Variants in GRIN1 observed in about 807,000 individuals in gnomAD.
GRIN1 encodes glutamate ionotropic receptor NMDA type subunit 1.
A neutral mutation model predicts 103.0 loss-of-function variants in GRIN1; 38 were observed. The observed-to-expected ratio is 0.37, with a 90% CI of 0.28 to 0.48. The LOEUF (loss-of-function observed/expected upper bound fraction) is 0.48, where lower values mean the gene tolerates loss of function less well. GRIN1 is among the 20% of genes least tolerant of loss of function. GRIN1 has a pLI of 0.98. For synonymous variants in GRIN1, 544 were observed against 532.7 expected (o/e 1.02, Z -0.29); for missense variants, 577 against 1,288.9 (o/e 0.45, Z 8.46).
Position 137,154,131 on chromosome 9 carries a change from T to TGTG in GRIN1, c.672-2538_672-2537insGTG, listed in dbSNP as rs1833081174. Among the ~76,000 whole-genome samples the TGTG allele has an allele frequency of 1.4e-5, 2 of 146,584 alleles. 1 individual carries two copies. The highest frequency in any genetic ancestry group is 4.4e-4 in the South Asian group (2 of 4,594). On this transcript the variant is annotated intron_variant, in intron 4 of 19. Transcript: ENST00000371561. ...CTGCCTTTTTTTTTTTCTTTTTTTT[T>TGTG]TGTGTGTGTGTGTGAGACAGTCTTG... is the stretch of plus-strand genomic sequence containing the variant.
At chr9:137,160,931 G>A (rs1833500979) in intron 8 of GRIN1, 125 bp from the exon 9 acceptor site, 2 of 1,222,752 alleles carry the variant, frequency 1.6e-6, no homozygotes, top group Non-Finnish European at 2.3e-6. Flanking sequence ...GGCGCAGGGC[G>A]GGGGGTGTGA....
In GRIN1 at chr9:137,161,297, A is replaced by G. The variant is rs1440400460; in HGVS notation, c.1348A>G (p.Thr450Ala). 6.2e-7 allele frequency: 1 copy of G among 1,612,416 alleles called. No individual in the cohort carries two copies. The highest frequency in any genetic ancestry group is 1.7e-5 in the Admixed American group (1 of 60,002). The change falls in exon 10 of 20, where the codon ACG (threonine) becomes GCG (alanine). Residue 450 changes from threonine to alanine, a missense_variant. By Grantham distance (58) the Thr-to-Ala change is moderately conservative. This residue lies in a region of GRIN1 where 96 missense variants were observed against 145.0 expected (regional missense o/e 0.66). Coordinates refer to ENST00000371561, the MANE Select transcript of GRIN1 (RefSeq NM_007327.4). The stretch of plus-strand genomic sequence containing the variant: ...CGCCCGCACCTACCCAGCCCGCCAC[A>G]CGGTGCCTCAGTGTTGCTACGGCTT... ...NDTSPGSPRH[T>A]VPQCCYGFCI...
rs1833705166 is a variant in GRIN1, at chr9:137,163,899, C to A, written c.2584C>A (p.Leu862Met). 6.2e-7 allele frequency: 1 copy of A among 1,612,566 alleles called. No individual in the cohort carries two copies. Among genetic ancestry groups the A allele is most frequent in the Non-Finnish European group, 8.5e-7 (1 of 1,179,850 alleles). The part of the protein sequence containing the change: ...FAAVNVWRKN[L>M]QDRKSGRAEP... ...CGCCGTTAACGTGTGGCGGAAGAAC[C>A]TGCAGGTAGGGCAGGCCACCCTCCG... Residue 862 changes from leucine (L) to methionine (M), a missense_variant, in exon 18 of 20, where the codon CTG becomes ATG. Around this residue, in one of 9 missense-constraint regions of GRIN1, gnomAD observed 68 missense variants for 113.0 expected, o/e 0.60. Transcript: ENST00000371561.
At chr9:137,149,626 G>A (rs1832728831) in intron 4 of GRIN1, among the ~76,000 whole-genome samples, 1 of 152,244 alleles carries the variant, frequency 6.6e-6, no homozygotes, top group Non-Finnish European at 1.5e-5. Flanking sequence ...CAGGTCCGGT[G>A]CCACAGAGCA....
At chr9:137,159,300 T>G (rs1833401767) in intron 8 of GRIN1, among the ~76,000 whole-genome samples, 1 of 152,108 alleles carries the variant, frequency 6.6e-6, no homozygotes, top group South Asian at 2.1e-4. Context: ...CCAGTCCTGG[T>G]AGCATCACAG....
intron 19 of GRIN1, among the ~76,000 whole-genome samples, chr9:137,166,577 A>G (rs1833889117): frequency 6.6e-6 from 1 of 152,260 alleles, no homozygotes; most frequent in African/African-American, 2.4e-5. Context: ...GCATCAAGCA[A>G]GCCAAATCCC....
rs1018919246 is a variant in GRIN1, at chr9:137,153,240, C to T, written c.672-3429C>T. 7.0e-5 allele frequency among the ~76,000 whole-genome samples: 10 copies of T among 143,798 alleles called. No individual in the cohort carries two copies. The South Asian group carries it at 1.1e-3, about 16-fold the overall frequency. 94.3% of individuals were successfully genotyped at this position (143,798 alleles called of 152,430 possible). ...ACATGTGCACACATGCCACATACCA[C>T]GTGTACACACATGCACCATGCATAC... On this transcript the variant is annotated intron_variant, in intron 4 of 19. Transcript: ENST00000371561.
Position 137,145,706 on chromosome 9 carries a change from C to T in GRIN1, c.394-20C>T, listed in dbSNP as rs376580552. 6.0e-5 allele frequency: 97 copies of T among 1,608,512 alleles called. No individual in the cohort carries two copies. Among genetic ancestry groups the T allele is most frequent in the African/African-American group, 1.6e-4 (12 of 74,760 alleles). On this transcript the variant is annotated intron_variant, in intron 2 of 19. Transcript: ENST00000371561. ...TCCCCGCGGGTCCACCTCAGCCCGCCGTGCCCCCGCCTCCCGCAGAGCATC... is the reference window on the plus strand; with the variant it reads ...TCCCCGCGGGTCCACCTCAGCCCGCTGTGCCCCCGCCTCCCGCAGAGCATC...
At chr9:137,141,774 C>T (rs1407763353) in intron 1 of GRIN1, among the ~76,000 whole-genome samples, 8 of 152,192 alleles carry the variant, frequency 5.3e-5, no homozygotes. Flanking sequence ...TTGAGCACAA[C>T]ACCTGCAGGG....
intron 8 of GRIN1, 67 bp downstream of exon 8, chr9:137,158,771 AAGG>A: frequency 8.3e-7 from 1 of 1,198,710 alleles, no homozygotes; most frequent in South Asian, 1.2e-5. Flanking sequence ...CTCTGGCCTG[AAGG>A]AGGAGGGTGC....
chr9:137,139,852 C>A lies in GRIN1; in HGVS notation c.258+108C>A. Reference sequence around the variant, plus strand: ...GTGCCCCCTTCCTCCCTGTAAGACACCACCCCAGAGTCAGCTGGCTGCTTC... The same window carrying A: ...GTGCCCCCTTCCTCCCTGTAAGACAACACCCCAGAGTCAGCTGGCTGCTTC... On this transcript the variant is annotated intron_variant, in intron 1 of 19. Transcript: ENST00000371561. This position sits in a 1 kb window ranked among gnomAD's most constrained non-coding sequence, Gnocchi z 7.7. 1 of 902,014 alleles carries A rather than the reference C, an allele frequency of 1.1e-6. No individual in the cohort carries two copies. The highest frequency in any genetic ancestry group is 1.8e-6 in the Non-Finnish European group (1 of 555,392). The allele number at this position is 902,014 out of a possible 1,614,324, so 55.9% of individuals were successfully genotyped here.
At chr9:137,164,548 G>A (rs1588737872) in intron 18 of GRIN1, 2 of 176,960 alleles carry the variant, frequency 1.1e-5, no homozygotes, top group South Asian at 2.6e-4. Context: ...CCTGTGTCCT[G>A]AGATGAAGCC....
chr9:137,161,847 C>T, intron 10 of GRIN1, 77 bp from the exon 11 acceptor site: 1 of 1,437,758 alleles, frequency 7.0e-7, no homozygotes, highest in Non-Finnish European at 9.5e-7. Context: ...TGCTCTAGGG[C>T]GGCTTCAGTC....
intron 4 of GRIN1, among the ~76,000 whole-genome samples, chr9:137,151,007 T>G (rs1389340271): frequency 4.3e-5 from 2 of 46,362 alleles, no homozygotes; most frequent in East Asian, 1.4e-3. Context: ...GGGAAAACTC[T>G]GCCCAGATAA....
Position 137,142,124 on chromosome 9 carries a change from C to T in GRIN1, c.370C>T (p.Arg124Cys), listed in dbSNP as rs1182883004. ...YRIPVLGLTT[R>C]MSIYSDKSIH... The stretch of plus-strand genomic sequence containing the variant: ...CATACCCGTGCTGGGGCTGACCACC[C>T]GCATGTCCATCTACTCGGACAAGGT... Residue 124 changes from arginine (R) to cysteine (C), a missense_variant, in exon 2 of 20, where the codon CGC becomes TGC. Physicochemically the swap from Arg to Cys is radical, Grantham distance 180 (BLOSUM62 -3). Transcript: ENST00000371561. 1 of 1,614,174 alleles carries T rather than the reference C, an allele frequency of 6.2e-7. No individual in the cohort carries two copies.
rs201974110 is a variant in GRIN1, at chr9:137,157,056, G to C, written c.968+19G>C. 2 of 1,590,372 alleles carry C rather than the reference G, an allele frequency of 1.3e-6. No individual in the cohort carries two copies. The highest frequency in any genetic ancestry group is 1.7e-6 in the Non-Finnish European group (2 of 1,166,584). ...TCAAGAGGTGGGCGGGGCCTCCCCG[G>C]AGCTGGGCGGGGCTGCTCTTGGGGA... is the stretch of plus-strand genomic sequence containing the variant. On this transcript the variant is annotated intron_variant, in intron 6 of 19. Transcript: ENST00000371561.
intron 6 of GRIN1, among the ~76,000 whole-genome samples, chr9:137,157,877 T>C (rs1833321957): frequency 6.6e-6 from 1 of 152,080 alleles, no homozygotes; most frequent in Non-Finnish European, 1.5e-5. Context: ...CACAAGCACA[T>C]GCATGGGGTG....
At chr9:137,140,365 C>G (rs1198162970) in intron 1 of GRIN1, among the ~76,000 whole-genome samples, 5 of 152,152 alleles carry the variant, frequency 3.3e-5, no homozygotes, top group African/African-American at 4.8e-5. Flanking sequence ...CTGGGCCGAG[C>G]GCCTGCTGAA....
chr9:137,157,128 GTGGGCGGGGCCACTCTCCAGAGC>G, intron 6 of GRIN1, 91 bp downstream of exon 6: 1 of 1,104,810 alleles, frequency 9.1e-7, no homozygotes, highest in Non-Finnish European at 1.3e-6. Flanking sequence ...TCTTGGGGAG[GTGGGCGGGGCCACTCTCCAGAGC>G]TGGGCGGAGC....
Sources: allele counts gnomAD v4.1 joint callset (sites outside exome capture counted in the v4.1 genomes callset), GRCh38; gene constraint gnomAD v4.1.1; regional missense constraint gnomAD v4.1.1; non-coding constraint Gnocchi (gnomAD v3.1); transcripts MANE v1.5; gene names NCBI Gene and HGNC (gene_info 2026-07-23, HGNC 2026-07-21).